The following TALDO1 variants were observed in gnomAD, a reference collection of about 807,000 sequenced individuals.
TALDO1 encodes transaldolase 1, also known as transaldolase.
Under a neutral mutation model 38.1 loss-of-function variants are expected in TALDO1, and 29 were observed. That is an observed-to-expected ratio of 0.76 (90% CI 0.57 to 1.04). The LOEUF is 1.04. Ranked by LOEUF, TALDO1 falls within the 50% of genes least tolerant of loss-of-function variation. The pLI is 0.00. For synonymous variants in TALDO1, 207 were observed against 176.8 expected (o/e 1.17, Z -1.36); for missense variants, 499 against 438.1 (o/e 1.14, Z -1.24).
intron 1 of TALDO1, among the ~76,000 whole-genome samples, chr11:748,576 C>G (rs1862698577): frequency 6.6e-6 from 1 of 152,188 alleles, no homozygotes; most frequent in African/African-American, 2.4e-5. Context: ...GAAGTGACTT[C>G]CTCTCTTTTC....
Position 764,353 on chromosome 11 carries a change from G to A in TALDO1, c.901G>A (p.Asp301Asn). The change falls in exon 7 of 8, where the codon GAC (aspartate) becomes AAC (asparagine). Residue 301 changes from aspartate (D) to asparagine (N), a missense_variant. Coordinates refer to ENST00000319006, the MANE Select transcript of TALDO1 (RefSeq NM_006755.2). The stretch of plus-strand genomic sequence containing the variant: ...GTCTTTCCGTTGGTTGCACAACGAG[G>A]ACCAGATGGCTGTGGAGAAGCTCTC... ...EKSFRWLHNEDQMAVEKLSDG... is the reference protein window; with the variant it reads ...EKSFRWLHNENQMAVEKLSDG... 2 of 1,614,266 alleles carry A rather than the reference G, an allele frequency of 1.2e-6. No homozygotes were observed. The highest frequency in any genetic ancestry group is 1.7e-6 in the Non-Finnish European group (2 of 1,180,048).
chr11:764,775 G>A (rs762978120), intron 7 of TALDO1, 38 bp from the exon 8 acceptor site: 1 of 1,614,138 alleles, frequency 6.2e-7, no homozygotes, highest in South Asian at 1.1e-5. Flanking sequence ...GCAGAAGGTA[G>A]GGTGGGGAGA....
intron 2 of TALDO1, among the ~76,000 whole-genome samples, chr11:756,674 C>T (rs1317644274): frequency 1.3e-5 from 2 of 152,254 alleles, no homozygotes; most frequent in Admixed American, 6.5e-5. Flanking sequence ...CGCCATCACA[C>T]CTGGCTATAA....
chr11:757,961 A>C (rs1449315494), intron 2 of TALDO1, among the ~76,000 whole-genome samples: 1 of 151,998 alleles, frequency 6.6e-6, no homozygotes, highest in East Asian at 1.9e-4. Flanking sequence ...ATAGGGCAAA[A>C]CTCTGTCTCT....
chr11:763,340 G>C lies in TALDO1; in HGVS notation c.462-4G>C. The C allele has an allele frequency of 6.6e-7, 1 of 1,514,046 alleles. No individual in the cohort carries two copies. Among genetic ancestry groups the C allele is most frequent in the Non-Finnish European group, 8.9e-7 (1 of 1,122,788 alleles). 93.8% of individuals were successfully genotyped at this position (1,514,046 alleles called of 1,614,324 possible). A position where few individuals can be genotyped will look rare whatever the true frequency, so the allele number is the denominator to read the frequency against. ...CCCCGCCCTCACCTGTCCCCGCCCC[G>C]CAGGGAGCTCGAGGAGCAGCACGGC... On this transcript the variant is annotated splice_polypyrimidine_tract_variant and splice_region_variant and intron_variant, in intron 4 of 7. Coordinates refer to ENST00000319006, the MANE Select transcript of TALDO1 (RefSeq NM_006755.2).
chr11:752,520 G>C (rs1862767764), intron 1 of TALDO1: 1 of 152,200 alleles, frequency 6.6e-6, no homozygotes, highest in Non-Finnish European at 1.5e-5. Flanking sequence ...TCACTCATTA[G>C]ATGATAATAT....
chr11:755,750 G>T, intron 1 of TALDO1, 129 bp from the exon 2 acceptor site: 1 of 1,373,492 alleles, frequency 7.3e-7, no homozygotes, highest in Admixed American at 1.9e-5. Flanking sequence ...TGAGAAGTGT[G>T]GCTGGACCCC....
Position 748,115 on chromosome 11 carries a change from C to G in TALDO1, c.97+537C>G, listed in dbSNP as rs114576406. Among the ~76,000 whole-genome samples, 944 of 152,380 alleles carry G rather than the reference C, an allele frequency of 6.2e-3. 6 individuals carry two copies. The highest frequency in any genetic ancestry group is 0.022 in the African/African-American group (906 of 41,586). The stretch of plus-strand genomic sequence containing the variant: ...GAGAGATTCAGGGTAGAGCTTCGAG[C>G]TGACTTCCACGTGGCCAGTTTGTGG... On this transcript the variant is annotated intron_variant, in intron 1 of 7. Coordinates refer to ENST00000319006, the MANE Select transcript of TALDO1 (RefSeq NM_006755.2).
chr11:760,529 G>A (rs1188470807), intron 4 of TALDO1: 3 of 451,704 alleles, frequency 6.6e-6, no homozygotes, highest in Non-Finnish European at 1.2e-5. Context: ...GTTAGCACCT[G>A]CAGATTCAGA....
chr11:763,461 C>A lies in TALDO1; in HGVS notation c.579C>A (p.Ile193=). 1 of 1,613,530 alleles carries A rather than the reference C, an allele frequency of 6.2e-7. No homozygotes were observed. ...VTLISPFVGR[I]LDWHVANTDK... ...TCATCTCCCCATTTGTTGGGCGCAT[C>A]CTTGATTGGCATGTGGCAAACACCG... The change falls in exon 5 of 8, where the codon ATC becomes ATA. Residue 193 remains isoleucine (I), a synonymous_variant. Transcript: ENST00000319006.
rs1590072154 is a variant in TALDO1, at chr11:763,947, G to A, written c.835+3G>A. The A allele has an allele frequency of 5.6e-6, 9 of 1,607,242 alleles. No homozygotes were observed. Among genetic ancestry groups the A allele is most frequent in the Non-Finnish European group, 6.8e-6 (8 of 1,179,654 alleles). On this transcript the variant is annotated splice_donor_region_variant and intron_variant, in intron 6 of 7. Coordinates refer to ENST00000319006, the MANE Select transcript of TALDO1 (RefSeq NM_006755.2). ...GCCTGTGCTCTCAGCCAAGGCGGGTGAGGCCCCACTGCCCAGCTGTGGCTC... is the reference window on the plus strand; with the variant it reads ...GCCTGTGCTCTCAGCCAAGGCGGGTAAGGCCCCACTGCCCAGCTGTGGCTC...
Position 747,539 on chromosome 11 carries a change from C to T in TALDO1, c.58C>T (p.Gln20Ter), listed in dbSNP as rs1420814588. ...GGAGTCCGCGCTGGACCAGCTCAAG[C>T]AGTTCACCACCGTGGTGGCCGACAC... Reference protein sequence around the residue: ...RMESALDQLKQFTTVVADTGD... With the variant: ...RMESALDQLK The change falls in exon 1 of 8, where the codon CAG becomes TAG. Residue 20 changes from glutamine to a stop codon, truncating the protein, a stop_gained. Transcript: ENST00000319006. LOFTEE classifies it high-confidence loss of function. 2 of 1,597,614 alleles carry T rather than the reference C, an allele frequency of 1.3e-6. No individual in the cohort carries two copies. The highest frequency in any genetic ancestry group is 1.7e-6 in the Non-Finnish European group (2 of 1,174,044).
At chr11:759,157 T>C in intron 3 of TALDO1, 100 bp downstream of exon 3, 3 of 1,035,786 alleles carry the variant, frequency 2.9e-6, no homozygotes, top group Non-Finnish European at 4.5e-6. Context: ...ACCCATGGTC[T>C]TCATCCCAAG....
At chr11:760,900 T>G (rs2133578594) in intron 4 of TALDO1, 1 of 157,222 alleles carries the variant, frequency 6.4e-6, no homozygotes, top group Admixed American at 6.1e-5. Flanking sequence ...CCGGGCATGG[T>G]GGCACACACC....
In TALDO1 at chr11:750,717, C is replaced by T. The variant is rs191813175; in HGVS notation, c.97+3139C>T. ...GCGGGCGCCTGTAGTCCCAGCTACT[C>T]GGGAGGCTGAGGCAGGAGAATGGTG... On this transcript the variant is annotated intron_variant, in intron 1 of 7. Transcript: ENST00000319006. Among the ~76,000 whole-genome samples the T allele has an allele frequency of 7.8e-3, 1,187 of 151,890 alleles. 23 individuals are homozygous for T. The highest frequency in any genetic ancestry group is 0.026 in the African/African-American group (1,072 of 41,406).
Position 763,949 on chromosome 11 carries a change from G to A in TALDO1, c.835+5G>A, listed in dbSNP as rs2133583185. On this transcript the variant is annotated splice_donor_5th_base_variant and intron_variant, in intron 6 of 7. Coordinates refer to ENST00000319006, the MANE Select transcript of TALDO1 (RefSeq NM_006755.2). ...CTGTGCTCTCAGCCAAGGCGGGTGAGGCCCCACTGCCCAGCTGTGGCTCCT... is the reference window on the plus strand; with the variant it reads ...CTGTGCTCTCAGCCAAGGCGGGTGAAGCCCCACTGCCCAGCTGTGGCTCCT... The A allele has an allele frequency of 1.2e-6, 2 of 1,606,754 alleles. No individual in the cohort carries two copies. The highest frequency in any genetic ancestry group is 2.2e-5 in the East Asian group (1 of 44,876).
chr11:758,261 C>T (rs939818418), intron 2 of TALDO1, among the ~76,000 whole-genome samples: 22 of 152,090 alleles, frequency 1.4e-4, no homozygotes, highest in Non-Finnish European at 1.5e-4. Context: ...CCAGCCTGGG[C>T]GACAGAGTGA....
In TALDO1 at chr11:763,334, C is replaced by T. The variant is rs370360426; in HGVS notation, c.462-10C>T. ...CACCTGCCCCGCCCTCACCTGTCCC[C>T]GCCCCGCAGGGAGCTCGAGGAGCAG... On this transcript the variant is annotated splice_polypyrimidine_tract_variant and intron_variant, in intron 4 of 7. Coordinates refer to ENST00000319006, the MANE Select transcript of TALDO1 (RefSeq NM_006755.2). The T allele has an allele frequency of 1.7e-4, 278 of 1,594,152 alleles. 1 individual carries two copies. The South Asian group carries it at 2.8e-3, about 16-fold the overall frequency.
chr11:763,350 C>T lies in TALDO1; in HGVS notation c.468C>T (p.Leu156=), dbSNP rs573115501. The T allele has an allele frequency of 2.4e-5, 38 of 1,607,630 alleles. No individual in the cohort carries two copies. Among genetic ancestry groups the T allele is most frequent in the Admixed American group, 2.2e-4 (13 of 59,592 alleles). Residue 156 remains leucine, a synonymous_variant, in exon 5 of 8, where the codon CTC becomes CTT. Coordinates refer to ENST00000319006, the MANE Select transcript of TALDO1 (RefSeq NM_006755.2). ...ACCTGTCCCCGCCCCGCAGGGAGCT[C>T]GAGGAGCAGCACGGCATCCACTGCA... ...TWEGIQAGKE[L]EEQHGIHCNM... is the part of the protein sequence containing the mutation.
Sources: allele counts gnomAD v4.1 joint callset (sites outside exome capture counted in the v4.1 genomes callset), GRCh38; gene constraint gnomAD v4.1.1; transcripts MANE v1.5; gene names NCBI Gene and HGNC (gene_info 2026-07-23, HGNC 2026-07-21).